Variants in ZNF594 observed in about 807,000 individuals in gnomAD.
ZNF594 encodes the protein zinc finger protein 594.
For missense variants in ZNF594, 1,037 were observed against 964.6 expected, an observed-to-expected ratio of 1.08 and a Z score of -0.99; for synonymous variants, 336 against 309.4, an observed-to-expected ratio of 1.09 and a Z score of -0.90.
downstream of ZNF594, among the ~76,000 whole-genome samples, chr17:5,176,501 A>C (rs1219745697): frequency 6.6e-6 from 1 of 151,882 alleles, no homozygotes; most frequent in Non-Finnish European, 1.5e-5. Context: ...GAAAGTCAAA[A>C]AATGAAGCAC....
chr17:5,186,917 G>A (rs1442092729), intron 1 of ZNF594, among the ~76,000 whole-genome samples: 2 of 152,168 alleles, frequency 1.3e-5, no homozygotes, highest in Admixed American at 1.3e-4. Context: ...TGTCCATAAT[G>A]CTGTCAGGCC....
At chr17:5,174,350 A>G in the ZNF594 span, 3 of 190,840 alleles carry the variant, frequency 1.6e-5, no homozygotes, top group Non-Finnish European at 2.2e-5. Flanking sequence ...GCCAGATTCC[A>G]TTACCCTTTC....
Position 5,184,048 on chromosome 17 carries a change from T to A in ZNF594, c.209A>T (p.His70Leu). The change falls in exon 2 of 2, where the codon CAT (histidine) becomes CTT (leucine). Residue 70 changes from histidine to leucine, a missense_variant. Physicochemically the swap from His to Leu is moderately conservative, Grantham distance 99 (BLOSUM62 -3). Transcript: ENST00000575779. The stretch of plus-strand genomic sequence containing the variant: ...CACAATGGCTTTCTGGGGGATAATA[T>A]GCATTTCCCTGATACCGCTCTCTTG... ...PSQESGIREM[H>L]IIPQKAIVGE... The A allele has an allele frequency of 2.5e-6, 4 of 1,614,156 alleles. No homozygotes were observed. The South Asian group carries it at 4.4e-5, about 18-fold the overall frequency.
At position 5,186,783 on chromosome 17, in the gene ZNF594, A is replaced by C. The variant is rs142442301; in HGVS notation, c.-20-2507T>G. Among the ~76,000 whole-genome samples, 1,362 of 152,354 alleles carry C rather than the reference A, an allele frequency of 8.9e-3. 9 individuals are homozygous for C. The highest frequency in any genetic ancestry group is 0.014 in the South Asian group (69 of 4,832). ...ATCTCTCTCAAGTTCAAAGTTCCAC[A>C]AATCTCTAGGGCAGTGGCAAAATGC... On this transcript the variant is annotated intron_variant, in intron 1 of 1. Coordinates refer to ENST00000575779, the MANE Select transcript of ZNF594 (RefSeq NM_032530.2).
chr17:5,174,191 ATTAT>A, the ZNF594 span: 1 of 193,624 alleles, frequency 5.2e-6, no homozygotes, highest in Non-Finnish European at 1.1e-5. Context: ...TTTCCCTCTA[ATTAT>A]TTAAGATTGG....
chr17:5,180,874 G>A lies in ZNF594; in HGVS notation c.*959C>T. 1 of 490,680 alleles carries A rather than the reference G, an allele frequency of 2.0e-6. No homozygotes were observed. Among genetic ancestry groups the A allele is most frequent in the Non-Finnish European group, 3.7e-6 (1 of 267,570 alleles). The allele number at this position is 490,680 out of a possible 1,614,324, so 30.4% of individuals were successfully genotyped here. A position where few individuals can be genotyped will look rare whatever the true frequency, so the allele number is the denominator to read the frequency against. ...TTTTTTCTAATAAAACTCATTTGTAGTGCAATAAGATGTGGTCTCCATCAG... is the reference window on the plus strand; with the variant it reads ...TTTTTTCTAATAAAACTCATTTGTAATGCAATAAGATGTGGTCTCCATCAG... On this transcript the variant is annotated 3_prime_UTR_variant, in exon 2 of 2. Coordinates refer to ENST00000575779, the MANE Select transcript of ZNF594 (RefSeq NM_032530.2).
chr17:5,177,539 G>A (rs569368594), downstream of ZNF594, among the ~76,000 whole-genome samples: 7 of 152,098 alleles, frequency 4.6e-5, no homozygotes, highest in South Asian at 8.3e-4. Flanking sequence ...CTGAAAACCC[G>A]TCTCTACTAA....
Position 5,181,980 on chromosome 17 carries a change from T to C in ZNF594, c.2277A>G (p.Lys759=), listed in dbSNP as rs916619207. 19 of 1,613,520 alleles carry C rather than the reference T, an allele frequency of 1.2e-5. No homozygotes were observed. The highest frequency in any genetic ancestry group is 1.4e-5 in the Non-Finnish European group (17 of 1,179,982). ...TACTACACTGATTACACCAATAAAC[T>C]TTCTTTTCCTGGTGAGTTCTCTGCT... The part of the protein sequence containing the change: ...RKEQRTHQEK[K]VYWCNQCSRT... The change falls in exon 2 of 2, where the codon AAA becomes AAG. Residue 759 remains lysine (K), a synonymous_variant. Transcript: ENST00000575779.
chr17:5,187,701 T>C (rs139655132), intron 1 of ZNF594, among the ~76,000 whole-genome samples: 5 of 152,298 alleles, frequency 3.3e-5, no homozygotes, highest in Non-Finnish European at 7.3e-5. Context: ...GAGATAATAA[T>C]AGTATTTACC....
At chr17:5,175,441 C>G (rs1034130585), downstream of ZNF594, among the ~76,000 whole-genome samples, 3 of 152,174 alleles carry the variant, frequency 2.0e-5, no homozygotes, top group Non-Finnish European at 4.4e-5. Context: ...CCCATCCCCC[C>G]AGTCCGTGGA....
downstream of ZNF594, among the ~76,000 whole-genome samples, chr17:5,176,633 G>A (rs1325400577): frequency 4.0e-5 from 6 of 151,762 alleles, no homozygotes; most frequent in Non-Finnish European, 8.8e-5. Flanking sequence ...GTGATACAGG[G>A]TGGAGACACT....
At chr17:5,175,298 C>T (rs2074298889), downstream of ZNF594, among the ~76,000 whole-genome samples, 1 of 152,196 alleles carries the variant, frequency 6.6e-6, no homozygotes, top group South Asian at 2.1e-4. Flanking sequence ...AGATCAGCAG[C>T]GGCACGCCAT....
intron 1 of ZNF594, among the ~76,000 whole-genome samples, chr17:5,191,002 A>C (rs933138061): frequency 5.3e-5 from 8 of 152,186 alleles, no homozygotes; most frequent in African/African-American, 1.7e-4. Context: ...ATTTGTAACC[A>C]ATTAATTTTT....
chr17:5,187,031 C>T (rs1241111490), intron 1 of ZNF594, among the ~76,000 whole-genome samples: 1 of 152,232 alleles, frequency 6.6e-6, no homozygotes, highest in Non-Finnish European at 1.5e-5. Flanking sequence ...GCCTGTTCTC[C>T]AGCTCCAGAA....
rs764902089 is a variant in ZNF594 at position 5,181,941 on chromosome 17, G to A, written c.2316C>T (p.Gly772=). The change falls in exon 2 of 2, where the codon GGC becomes GGT. Residue 772 remains glycine, a synonymous_variant. Transcript: ENST00000575779. ...WCNQCSRTFQ[G]SSDLIRHQVT... Reference sequence around the variant, plus strand: ...CCTGATGTCTGATGAGATCTGAGCTGCCCTGGAAGGTCCTACTACACTGAT... The same window carrying A: ...CCTGATGTCTGATGAGATCTGAGCTACCCTGGAAGGTCCTACTACACTGAT... 6 of 1,613,784 alleles carry A rather than the reference G, an allele frequency of 3.7e-6. No homozygotes were observed. Among genetic ancestry groups the A allele is most frequent in the Non-Finnish European group, 4.2e-6 (5 of 1,180,030 alleles).
rs200485435 is a variant in ZNF594 at position 5,191,788 on chromosome 17, T to C, written c.-61A>G. 1 of 152,046 alleles carries C rather than the reference T, an allele frequency of 6.6e-6. No individual in the cohort carries two copies. The highest frequency in any genetic ancestry group is 1.5e-5 in the Non-Finnish European group (1 of 68,032). 9.4% of individuals were successfully genotyped at this position (152,046 alleles called of 1,614,324 possible). A position where few individuals can be genotyped will look rare whatever the true frequency, so the allele number is the denominator to read the frequency against. ...AACCTCCCGCTCGGTCGGGGGCCCC[T>C]CCACGGCCGCTATCACTGGGTCGCG... On this transcript the variant is annotated 5_prime_UTR_variant, in exon 1 of 2. Coordinates refer to ENST00000575779, the MANE Select transcript of ZNF594 (RefSeq NM_032530.2).
rs765631261 is a variant in ZNF594 at position 5,183,543 on chromosome 17, T to C, written c.714A>G (p.Pro238=). The change falls in exon 2 of 2, where the codon CCA becomes CCG. Residue 238 remains proline (P), a synonymous_variant. Coordinates refer to ENST00000575779, the MANE Select transcript of ZNF594 (RefSeq NM_032530.2). ...CCTTCCCACATTTATTGCATAAATA[T>C]GGCTTCCCCCTACTGTGGATTCTCT... ...LHQRIHSRGK[P]YLCNKCGKAF... is the part of the protein sequence containing the mutation. 23 of 1,614,052 alleles carry C rather than the reference T, an allele frequency of 1.4e-5. No homozygotes were observed. The highest frequency in any genetic ancestry group is 1.9e-5 in the Non-Finnish European group (23 of 1,180,046).
chr17:5,181,656 G>C lies in ZNF594; in HGVS notation c.*177C>G, dbSNP rs1598127284. 2 of 1,582,252 alleles carry C rather than the reference G, an allele frequency of 1.3e-6. No homozygotes were observed. The highest frequency in any genetic ancestry group is 1.7e-4 in the Middle Eastern group (1 of 6,002). On this transcript the variant is annotated 3_prime_UTR_variant, in exon 2 of 2. Coordinates refer to ENST00000575779, the MANE Select transcript of ZNF594 (RefSeq NM_032530.2). ...AGTGCACTGATAGGGCTTCTCTCCA[G>C]TGTGGATTTTCTGGTGTGTGACAAG...
rs187713890 is a variant in ZNF594, at chr17:5,181,585, G to A, written c.*248C>T. 1.5e-3 allele frequency: 2,469 copies of A among 1,613,122 alleles called. 4 individuals are homozygous for A. Among genetic ancestry groups the A allele is most frequent in the Admixed American group, 1.9e-3 (114 of 60,004 alleles). Reference sequence around the variant, plus strand: ...GGTTTCTCACCACTATGAATTCTCCGACGTTGAATAAGGAGTGAACGCCGC... The same window carrying A: ...GGTTTCTCACCACTATGAATTCTCCAACGTTGAATAAGGAGTGAACGCCGC... On this transcript the variant is annotated 3_prime_UTR_variant, in exon 2 of 2. Transcript: ENST00000575779.
Sources: allele counts gnomAD v4.1 joint callset (sites outside exome capture counted in the v4.1 genomes callset), GRCh38; gene constraint gnomAD v4.1.1; transcripts MANE v1.5; gene names NCBI Gene and HGNC (gene_info 2026-07-23, HGNC 2026-07-21).